IRAK2: variants seen among roughly 807,000 people sequenced by gnomAD.
The protein encoded by IRAK2 is interleukin 1 receptor associated kinase 2.
IRAK2 carries 57 observed loss-of-function variants against 72.0 expected under a neutral mutation model. The observed-to-expected ratio is 0.79, with a 90% confidence interval of 0.64 to 0.99. IRAK2 has a LOEUF of 0.99. Among genes scored for constraint, IRAK2 ranks in the 50% least tolerant of loss-of-function variants. IRAK2 has a pLI of 0.00. For synonymous variants in IRAK2, 293 were observed against 312.7 expected, an observed-to-expected ratio of 0.94 and a Z score of 0.67; for missense variants, 790 against 794.4, an observed-to-expected ratio of 0.99 and a Z score of 0.07.
chr3:10,165,782 G>A (rs545605343), intron 1 of IRAK2, among the ~76,000 whole-genome samples: 4 of 146,498 alleles, frequency 2.7e-5, no homozygotes, highest in Non-Finnish European at 4.5e-5. Flanking sequence ...CCAGGCTGGA[G>A]TGCAGTGGCG....
At chr3:10,197,220 A>T (rs1051017422) in intron 2 of IRAK2, among the ~76,000 whole-genome samples, 2 of 151,744 alleles carry the variant, frequency 1.3e-5, no homozygotes, top group African/African-American at 4.8e-5. Flanking sequence ...TCTACTAAAA[A>T]TACAGAAAAA....
chr3:10,198,372 C>G (rs996221097), intron 2 of IRAK2, among the ~76,000 whole-genome samples: 2 of 152,206 alleles, frequency 1.3e-5, no homozygotes, highest in East Asian at 3.8e-4. Context: ...AGTGATCACC[C>G]CTTTGTTCCT....
chr3:10,184,452 C>A (rs76910002), intron 2 of IRAK2, among the ~76,000 whole-genome samples: 2 of 152,114 alleles, frequency 1.3e-5, no homozygotes, highest in Non-Finnish European at 2.9e-5. Flanking sequence ...TCAGTCACTT[C>A]CTTTAGGGCA....
At chr3:10,229,340 C>T (rs1697825428) in intron 10 of IRAK2, among the ~76,000 whole-genome samples, 2 of 152,198 alleles carry the variant, frequency 1.3e-5, no homozygotes, top group African/African-American at 4.8e-5. Flanking sequence ...GCCTCGAATG[C>T]CTGGGCTCAA....
chr3:10,240,965 G>T (rs1417761344), intron 12 of IRAK2, among the ~76,000 whole-genome samples: 2 of 151,900 alleles, frequency 1.3e-5, no homozygotes, highest in African/African-American at 4.8e-5. Flanking sequence ...CTGCCATGGG[G>T]AGGGGAGAGG....
At chr3:10,188,316 G>A (rs1326251426) in intron 2 of IRAK2, among the ~76,000 whole-genome samples, 1 of 152,122 alleles carries the variant, frequency 6.6e-6, no homozygotes, top group East Asian at 1.9e-4. Flanking sequence ...GGACAAGAGA[G>A]TTAATAAGGA....
At chr3:10,183,858 C>T (rs901044760) in intron 2 of IRAK2, among the ~76,000 whole-genome samples, 5 of 152,186 alleles carry the variant, frequency 3.3e-5, no homozygotes, top group African/African-American at 1.2e-4. Context: ...TTTAGCCATC[C>T]ATGTCTTGGG....
chr3:10,195,198 G>A (rs563560853), intron 2 of IRAK2, among the ~76,000 whole-genome samples: 5 of 152,244 alleles, frequency 3.3e-5, no homozygotes, highest in Non-Finnish European at 7.3e-5. Context: ...TGGTGGCCTT[G>A]ATGTTCCTGC....
chr3:10,165,041 G>A lies in IRAK2; in HGVS notation c.87G>A (p.Met29Ile). The A allele has an allele frequency of 6.2e-7, 1 of 1,610,756 alleles. No homozygotes were observed. The highest frequency in any genetic ancestry group is 8.5e-7 in the Non-Finnish European group (1 of 1,179,262). ...ACGCGCTCAGCGAGTGGGACTGGAT[G>A]GAGTTCGGTGAGTGCGGCCCGGGGA... Reference protein sequence around the residue: ...NMDALSEWDWMEFASYVITDL... With the variant: ...NMDALSEWDWIEFASYVITDL... The change falls in exon 1 of 13, where the codon ATG (methionine) becomes ATA (isoleucine). Residue 29 changes from methionine (M) to isoleucine (I), a missense_variant. Transcript: ENST00000256458.
intron 12 of IRAK2, among the ~76,000 whole-genome samples, chr3:10,241,403 C>T (rs1251828120): frequency 1.3e-5 from 2 of 149,308 alleles, no homozygotes; most frequent in African/African-American, 5.0e-5. Flanking sequence ...ACTAAAAATA[C>T]AAAAAATTAG....
At position 10,213,228 on chromosome 3, in the gene IRAK2, A is replaced by C; in HGVS notation, c.550A>C (p.Lys184Gln). The C allele has an allele frequency of 6.2e-7, 1 of 1,614,000 alleles. No homozygotes were observed. The highest frequency in any genetic ancestry group is 1.3e-5 in the African/African-American group (1 of 74,990). ...DSKDFSTSIP[K>Q]QEKLLSLAGD... ...CCAGGACTTCAGCACCTCCATTCCT[A>C]AGCAGGAAAAACTTTTGAGCTTGGC... The change falls in exon 5 of 13, where the codon AAG becomes CAG. Residue 184 changes from lysine to glutamine, a missense_variant. By Grantham distance (53) the Lys-to-Gln change is moderately conservative (BLOSUM62 1). Coordinates refer to ENST00000256458, the MANE Select transcript of IRAK2 (RefSeq NM_001570.4).
At position 10,205,846 on chromosome 3, in the gene IRAK2, C is replaced by G. The variant is rs115649311; in HGVS notation, c.425-3743C>G. Among the ~76,000 whole-genome samples, 641 of 152,338 alleles carry G rather than the reference C, an allele frequency of 4.2e-3. 3 individuals carry two copies. Among genetic ancestry groups the G allele is most frequent in the Middle Eastern group, 0.017 (5 of 294 alleles). On this transcript the variant is annotated intron_variant, in intron 3 of 12. Transcript: ENST00000256458. ...GAGGTGGCACAGACATGGCCAAAAACTTGGAGACCGGATGAACATAACTGC... is the reference window on the plus strand; with the variant it reads ...GAGGTGGCACAGACATGGCCAAAAAGTTGGAGACCGGATGAACATAACTGC...
Position 10,242,286 on chromosome 3 carries a change from AG to A in IRAK2, c.*59del, listed in dbSNP as rs968568297. 1.0e-4 allele frequency: 104 copies of A among 1,026,108 alleles called. 1 individual carries two copies. The South Asian group carries it at 1.3e-3, about 13-fold the overall frequency. 63.6% of individuals were successfully genotyped at this position (1,026,108 alleles called of 1,614,324 possible). A position where few individuals can be genotyped will look rare whatever the true frequency, so the allele number is the denominator to read the frequency against. ...AGTTGGAAAGATGAGCATCAGATCAAGAAAAAGGTCTGAGGCAGAATCCAAG... is the reference window on the plus strand; with the variant it reads ...AGTTGGAAAGATGAGCATCAGATCAAAAAAAGGTCTGAGGCAGAATCCAAG... On this transcript the variant is annotated 3_prime_UTR_variant, in exon 13 of 13. Transcript: ENST00000256458.
At position 10,243,297 on chromosome 3, in the gene IRAK2, T is replaced by G. The variant is rs1185229023; in HGVS notation, c.*1069T>G. The G allele has an allele frequency of 6.6e-6, 1 of 152,616 alleles. No homozygotes were observed. The highest frequency in any genetic ancestry group is 6.5e-5 in the Admixed American group (1 of 15,274). 9.5% of individuals were successfully genotyped at this position (152,616 alleles called of 1,614,324 possible). A position where few individuals can be genotyped will look rare whatever the true frequency, so the allele number is the denominator to read the frequency against. On this transcript the variant is annotated 3_prime_UTR_variant, in exon 13 of 13. Transcript: ENST00000256458. ...ATCTGCCCGCCTTGGCCTATCAAAG[T>G]GTTGGGATTACAGGCTTGAGCCACC...
In IRAK2 at chr3:10,200,426, C is replaced by A. The variant is rs1257163240; in HGVS notation, c.335C>A (p.Pro112Gln). Reference protein sequence around the residue: ...PIPAFPDSVKPEKPLAASVRK... With the variant: ...PIPAFPDSVKQEKPLAASVRK... Reference sequence around the variant, plus strand: ...CCAGCCTTCCCTGACTCTGTGAAGCCAGAAAAGCCTTTGGCAGCTTCTGTA... The same window carrying A: ...CCAGCCTTCCCTGACTCTGTGAAGCAAGAAAAGCCTTTGGCAGCTTCTGTA... Residue 112 changes from proline to glutamine, a missense_variant, in exon 3 of 13, where the codon CCA becomes CAA. Transcript: ENST00000256458. The A allele has an allele frequency of 6.2e-7, 1 of 1,608,352 alleles. No homozygotes were observed. The highest frequency in any genetic ancestry group is 8.5e-7 in the Non-Finnish European group (1 of 1,175,500).
chr3:10,200,667 C>T lies in IRAK2; in HGVS notation c.424+152C>T, dbSNP rs567492608. The T allele has an allele frequency of 1.0e-4, 61 of 586,388 alleles. No individual in the cohort carries two copies. In the Admixed American group the frequency reaches 1.2e-3, roughly 11 times the overall value. 36.3% of individuals were successfully genotyped at this position (586,388 alleles called of 1,614,324 possible). On this transcript the variant is annotated intron_variant, in intron 3 of 12. Coordinates refer to ENST00000256458, the MANE Select transcript of IRAK2 (RefSeq NM_001570.4). ...TAATCCCAGCTCCGTGAGGCTGAGGCGGGAGGATGGCTTGAGCCCAGGAGT... is the reference window on the plus strand; with the variant it reads ...TAATCCCAGCTCCGTGAGGCTGAGGTGGGAGGATGGCTTGAGCCCAGGAGT...
chr3:10,222,472 T>C (rs375076267), intron 8 of IRAK2, among the ~76,000 whole-genome samples, 164 bp from the exon 9 acceptor site: 76 of 152,300 alleles, frequency 5.0e-4, no homozygotes, highest in African/African-American at 1.8e-3. Flanking sequence ...TGATGCCCTC[T>C]CTTCCCCAGT....
intron 11 of IRAK2, among the ~76,000 whole-genome samples, chr3:10,238,442 A>C (rs1361664947): frequency 6.6e-6 from 1 of 152,048 alleles, no homozygotes; most frequent in Non-Finnish European, 1.5e-5. Flanking sequence ...TAGGTGGAAA[A>C]GTTTCAGGGA....
chr3:10,198,013 C>T (rs1329576086), intron 2 of IRAK2, among the ~76,000 whole-genome samples: 2 of 151,446 alleles, frequency 1.3e-5, no homozygotes, highest in Non-Finnish European at 2.9e-5. Context: ...TCCTGGCTAA[C>T]ACAGTGAAAC....
Sources: gnomAD v4.1 joint callset for allele counts (sites outside exome capture counted in the v4.1 genomes callset) on GRCh38, gnomAD v4.1.1 for gene constraint, MANE v1.5 for transcripts, NCBI Gene and HGNC (gene_info 2026-07-23, HGNC 2026-07-21) for gene names.